RAP1B: variants seen among roughly 807,000 people sequenced by gnomAD.
RAP1B encodes ras-related protein Rap-1b.
Under a neutral mutation model 27.5 loss-of-function variants are expected in RAP1B, and 1 was observed. That is an observed-to-expected ratio of 0.04 (90% CI 0.01 to 0.17). RAP1B has a LOEUF of 0.17. Ranked by LOEUF, RAP1B falls within the 10% of genes least tolerant of loss-of-function variation. RAP1B has a pLI of 1.00. For missense variants in RAP1B, 84 were observed against 214.8 expected (o/e 0.39, Z 3.81); for synonymous variants, 75 against 73.1 (o/e 1.03, Z -0.13).
At position 68,662,493 on chromosome 12, in the gene RAP1B, G is replaced by T. The variant is rs765551069; in HGVS notation, c.*3244G>T. 1.4e-5 allele frequency: 2 copies of T among 146,282 alleles called. No homozygotes were observed. The highest frequency in any genetic ancestry group is 6.8e-5 in the Admixed American group (1 of 14,670). 9.1% of individuals were successfully genotyped at this position (146,282 alleles called of 1,614,324 possible). On this transcript the variant is annotated 3_prime_UTR_variant, in exon 8 of 8. Coordinates refer to ENST00000250559, the MANE Select transcript of RAP1B (RefSeq NM_001010942.3). ...TCCATTTATAAAATGAAGTTTTGCC[G>T]TTTTTTTTTTTAAATCATTCCGTCT... is the stretch of plus-strand genomic sequence containing the variant.
chr12:68,620,811 C>T (rs1457047049), intron 1 of RAP1B, among the ~76,000 whole-genome samples: 1 of 152,130 alleles, frequency 6.6e-6, no homozygotes, highest in African/African-American at 2.4e-5. Flanking sequence ...TGGTGTCAAA[C>T]TCCTTGGCCT....
intron 1 of RAP1B, among the ~76,000 whole-genome samples, chr12:68,640,507 T>G (rs562594270): frequency 1.8e-4 from 27 of 152,330 alleles, no homozygotes; most frequent in African/African-American, 6.3e-4. Context: ...CAAATATTGA[T>G]TGCTGTATTA....
At chr12:68,638,272 A>G (rs1872761446) in intron 1 of RAP1B, among the ~76,000 whole-genome samples, 1 of 150,748 alleles carries the variant, frequency 6.6e-6, no homozygotes, top group African/African-American at 2.5e-5. Context: ...AATCCCTTAT[A>G]CAGTTAGTCT....
In RAP1B at chr12:68,661,656, T is replaced by G. The variant is rs1874600727; in HGVS notation, c.*2407T>G. ...CAGTCACACCACCCCAGCCCCCAAG[T>G]TGTGGCAACCAAAAATGTTTCCAGA... is the stretch of plus-strand genomic sequence containing the variant. On this transcript the variant is annotated 3_prime_UTR_variant, in exon 8 of 8. Transcript: ENST00000250559. 1 of 151,622 alleles carries G rather than the reference T, an allele frequency of 6.6e-6. No homozygotes were observed. The highest frequency in any genetic ancestry group is 6.6e-5 in the Admixed American group (1 of 15,110). The allele number at this position is 151,622 out of a possible 1,614,324, so 9.4% of individuals were successfully genotyped here.
At chr12:68,637,930 T>A (rs1049631326) in intron 1 of RAP1B, among the ~76,000 whole-genome samples, 5 of 152,270 alleles carry the variant, frequency 3.3e-5, no homozygotes, top group Middle Eastern at 3.4e-3. Context: ...TCCTTTTTTT[T>A]AATGAGTTAA....
rs1042555166 is a variant in RAP1B at position 68,668,557 on chromosome 12, A to G, written c.*9308A>G. 3 of 152,232 alleles carry G rather than the reference A, an allele frequency of 2.0e-5. No homozygotes were observed. Among genetic ancestry groups the G allele is most frequent in the Non-Finnish European group, 4.4e-5 (3 of 68,040 alleles). The allele number at this position is 152,232 out of a possible 1,614,324, so 9.4% of individuals were successfully genotyped here. ...TTAAACCAAAACAGATTTAATGTCTAAACTTAAATCTAGTTTGACATTAAC... is the reference window on the plus strand; with the variant it reads ...TTAAACCAAAACAGATTTAATGTCTGAACTTAAATCTAGTTTGACATTAAC... On this transcript the variant is annotated 3_prime_UTR_variant, in exon 8 of 8. Transcript: ENST00000250559.
intron 5 of RAP1B, among the ~76,000 whole-genome samples, chr12:68,654,531 G>A (rs996233238): frequency 3.3e-5 from 5 of 149,338 alleles, no homozygotes; most frequent in African/African-American, 9.9e-5. Context: ...TTGCACTGTT[G>A]CCCAGGCTGA....
intron 1 of RAP1B, among the ~76,000 whole-genome samples, chr12:68,627,625 G>A (rs746820316): frequency 1.2e-4 from 18 of 152,112 alleles, no homozygotes; most frequent in Non-Finnish European, 1.9e-4. Context: ...CTTACTTCAC[G>A]TCATGCTGGA....
intron 1 of RAP1B, among the ~76,000 whole-genome samples, chr12:68,622,140 C>G (rs1448275211): frequency 6.6e-6 from 1 of 152,170 alleles, no homozygotes; most frequent in African/African-American, 2.4e-5. Context: ...AAGTTAACTC[C>G]TCTCTTAGGA....
chr12:68,627,732 T>G (rs567424654), intron 1 of RAP1B, among the ~76,000 whole-genome samples: 2 of 152,200 alleles, frequency 1.3e-5, no homozygotes, highest in African/African-American at 4.8e-5. Flanking sequence ...GTATGTTAAT[T>G]TATCTTTAGA....
intron 1 of RAP1B, chr12:68,626,937 T>C: frequency 1.3e-6 from 2 of 1,543,086 alleles, no homozygotes; most frequent in Non-Finnish European, 1.8e-6. Flanking sequence ...CCGACAGCCA[T>C]CTGGGATGAG....
chr12:68,654,182 C>T lies in RAP1B; in HGVS notation c.254C>T (p.Thr85Ile), dbSNP rs1418250506. The change falls in exon 5 of 8, where the codon ACA (threonine) becomes ATA (isoleucine). Residue 85 changes from threonine to isoleucine, a missense_variant. Transcript: ENST00000250559. ...GGATTTGCATTAGTTTATTCCATCA[C>T]AGCACAGTCCACATTTAACGATTTA... ...GQGFALVYSI[T>I]AQSTFNDLQD... is the part of the protein sequence containing the mutation. The T allele has an allele frequency of 6.3e-7, 1 of 1,598,372 alleles. No homozygotes were observed. Among genetic ancestry groups the T allele is most frequent in the South Asian group, 1.1e-5 (1 of 90,702 alleles).
At chr12:68,616,019 A>G (rs898921824) in intron 1 of RAP1B, among the ~76,000 whole-genome samples, 2 of 151,512 alleles carry the variant, frequency 1.3e-5, no homozygotes, top group African/African-American at 2.4e-5. Flanking sequence ...GCTGGAGTGC[A>G]GTGGCACGGT....
intron 1 of RAP1B, among the ~76,000 whole-genome samples, chr12:68,637,898 CT>C (rs1872741503): frequency 6.6e-6 from 1 of 151,858 alleles, no homozygotes; most frequent in Non-Finnish European, 1.5e-5. Context: ...TGTAGAATTG[CT>C]TTATGTTATT....
intron 1 of RAP1B, among the ~76,000 whole-genome samples, chr12:68,629,535 T>G (rs1872080876): frequency 6.6e-6 from 1 of 152,222 alleles, no homozygotes; most frequent in South Asian, 2.1e-4. Flanking sequence ...TGCACAAAAT[T>G]AACAGATTAG....
chr12:68,654,259 T>G lies in RAP1B; in HGVS notation c.324+7T>G. The G allele has an allele frequency of 2.6e-6, 4 of 1,538,582 alleles. No homozygotes were observed. The highest frequency in any genetic ancestry group is 3.5e-6 in the Non-Finnish European group (4 of 1,137,178). On this transcript the variant is annotated splice_region_variant and intron_variant, in intron 5 of 7. Coordinates refer to ENST00000250559, the MANE Select transcript of RAP1B (RefSeq NM_001010942.3). ...AGTTAAAGACACTGATGATGTAAGC[T>G]GACTTCCAAATAAATATATTTTATT...
At chr12:68,630,708 C>T (rs926948141) in intron 1 of RAP1B, among the ~76,000 whole-genome samples, 6 of 151,772 alleles carry the variant, frequency 4.0e-5, no homozygotes, top group African/African-American at 1.2e-4. Flanking sequence ...GGCAGGTTCT[C>T]ACTCTGTCAC....
At chr12:68,627,614 C>A (rs1871902928) in intron 1 of RAP1B, among the ~76,000 whole-genome samples, 1 of 152,118 alleles carries the variant, frequency 6.6e-6, no homozygotes, top group Admixed American at 6.6e-5. Context: ...ATGTGTAGCT[C>A]CTTACTTCAC....
At chr12:68,636,172 A>G (rs1192118141) in intron 1 of RAP1B, among the ~76,000 whole-genome samples, 1 of 152,214 alleles carries the variant, frequency 6.6e-6, no homozygotes, top group Non-Finnish European at 1.5e-5. Flanking sequence ...GGCATGAGCC[A>G]TGACAGTCAG....
Sources: gnomAD v4.1 joint callset for allele counts (sites outside exome capture counted in the v4.1 genomes callset) on GRCh38, gnomAD v4.1.1 for gene constraint, MANE v1.5 for transcripts, NCBI Gene and HGNC (gene_info 2026-07-23, HGNC 2026-07-21) for gene names.